The following ERI3 variants were observed in gnomAD, a reference collection of about 807,000 sequenced individuals.
The protein encoded by ERI3 is ERI1 exoribonuclease family member 3, also known as ERI1 exoribonuclease 3.
A neutral mutation model predicts 44.4 loss-of-function variants in ERI3; 18 were observed. The observed-to-expected ratio is 0.41, with a 90% CI of 0.28 to 0.60. The LOEUF (loss-of-function observed/expected upper bound fraction) is 0.60. Ranked by LOEUF, ERI3 falls within the 20% of genes least tolerant of loss-of-function variation. The pLI is 0.36. For synonymous variants in ERI3, 183 were observed against 164.8 expected, an observed-to-expected ratio of 1.11 and a Z score of -0.84; for missense variants, 294 against 435.5, an observed-to-expected ratio of 0.68 and a Z score of 2.89.
At chr1:44,295,829 T>G (rs1368376816) in intron 6 of ERI3, among the ~76,000 whole-genome samples, 2 of 152,140 alleles carry the variant, frequency 1.3e-5, no homozygotes, top group African/African-American at 4.8e-5. Flanking sequence ...CCAAACCCTG[T>G]GTGTGGGACC....
chr1:44,339,323 C>T lies in ERI3; in HGVS notation c.212-1G>A, dbSNP rs1224643085. On this transcript the variant is annotated splice_acceptor_variant, in intron 2 of 8. Transcript: ENST00000372257. LOFTEE classifies it high-confidence loss of function. ...ATTGAACATCCAGAAGCATCTAAAA[C>T]TTAGGGGAGGAAAGTTTAAAAAAAA... 1 of 733,986 alleles carries T rather than the reference C, an allele frequency of 1.4e-6. No individual in the cohort carries two copies. The highest frequency in any genetic ancestry group is 2.9e-5 in the South Asian group (1 of 34,470). 45.5% of individuals were successfully genotyped at this position (733,986 alleles called of 1,614,324 possible).
intron 3 of ERI3, among the ~76,000 whole-genome samples, chr1:44,321,489 G>A (rs1646202788): frequency 6.6e-6 from 1 of 152,106 alleles, no homozygotes; most frequent in South Asian, 2.1e-4. Flanking sequence ...ATTACATACA[G>A]AGTAAATGGG....
chr1:44,343,106 C>T (rs1439233058), intron 2 of ERI3, among the ~76,000 whole-genome samples: 1 of 150,988 alleles, frequency 6.6e-6, no homozygotes, highest in Non-Finnish European at 1.5e-5. Context: ...ACAAGATGAG[C>T]GCATAACATC....
chr1:44,252,054 G>A lies in ERI3; in HGVS notation c.832-4016C>T, dbSNP rs916048870. ...TGGCTGCATCTCTCTCAGCCATCAG[G>A]GTCCACCTGCCCAGCTATGCACAGT... On this transcript the variant is annotated intron_variant, in intron 7 of 8. Coordinates refer to ENST00000372257, the MANE Select transcript of ERI3 (RefSeq NM_024066.3). This position sits in a 1 kb window ranked among gnomAD's most constrained non-coding sequence, Gnocchi z 4.7. Among the ~76,000 whole-genome samples, 1 of 152,176 alleles carries A rather than the reference G, an allele frequency of 6.6e-6. No homozygotes were observed. Among genetic ancestry groups the A allele is most frequent in the Non-Finnish European group, 1.5e-5 (1 of 68,038 alleles).
In ERI3 at chr1:44,352,911, T is replaced by G. The variant is rs989801102; in HGVS notation, c.150A>C (p.Pro50=). The G allele has an allele frequency of 4.3e-6, 7 of 1,614,076 alleles. No homozygotes were observed. Among genetic ancestry groups the G allele is most frequent in the Non-Finnish European group, 4.2e-6 (5 of 1,180,040 alleles). Residue 50 remains proline, a synonymous_variant, in exon 2 of 9, where the codon CCA becomes CCC. Transcript: ENST00000372257. ...GGGATGCTGAAGGTTCTGTGAGAGC[T>G]GGAAAGCCCCAATGCTGTGGATAAA... ...WGQHPGHWGF[P]ALTEPSASPA...
chr1:44,318,561 C>T (rs1646137053), intron 4 of ERI3, among the ~76,000 whole-genome samples: 1 of 152,216 alleles, frequency 6.6e-6, no homozygotes, highest in Non-Finnish European at 1.5e-5. Context: ...TGGATGCCTG[C>T]AACAAAAGCC....
In ERI3 at chr1:44,284,914, A is replaced by G. The variant is rs750832159; in HGVS notation, c.759-7T>C. 1 of 1,613,682 alleles carries G rather than the reference A, an allele frequency of 6.2e-7. No homozygotes were observed. The highest frequency in any genetic ancestry group is 8.5e-7 in the Non-Finnish European group (1 of 1,179,676). ...CTGGCACTGGCCTGGGAGCCTACAAAAAAAAGGGAAGAGAGAACAAGTTGG... is the reference window on the plus strand; with the variant it reads ...CTGGCACTGGCCTGGGAGCCTACAAGAAAAAGGGAAGAGAGAACAAGTTGG... On this transcript the variant is annotated splice_region_variant and splice_polypyrimidine_tract_variant and intron_variant, in intron 6 of 8. Transcript: ENST00000372257.
chr1:44,342,848 TATATATATA>T (rs1403719089), intron 2 of ERI3, among the ~76,000 whole-genome samples: 1 of 35,352 alleles, frequency 2.8e-5, no homozygotes, highest in Non-Finnish European at 5.1e-5. Context: ...TATATATATA[TATATATATA>T]TTTTTTTTTT....
At chr1:44,226,212 TGAA>T (rs1644034388) in intron 8 of ERI3, among the ~76,000 whole-genome samples, 1 of 151,592 alleles carries the variant, frequency 6.6e-6, no homozygotes, top group African/African-American at 2.4e-5. Context: ...GGTGGGGGGA[TGAA>T]GAATCAGAAG....
chr1:44,248,033 G>A lies in ERI3; in HGVS notation c.837C>T (p.Tyr279=). The A allele has an allele frequency of 2.5e-6, 4 of 1,611,110 alleles. No homozygotes were observed. Among genetic ancestry groups the A allele is most frequent in the Non-Finnish European group, 3.4e-6 (4 of 1,178,684 alleles). The part of the protein sequence containing the change: ...FKQWINLKKA[Y]SFAMGCWPKN... Reference sequence around the variant, plus strand: ...TGGGCCAGCAGCCCATGGCGAAGCTGTAAGCCTGGAAGACAGGAGGCAAGT... The same window carrying A: ...TGGGCCAGCAGCCCATGGCGAAGCTATAAGCCTGGAAGACAGGAGGCAAGT... The change falls in exon 8 of 9, where the codon TAC becomes TAT. Residue 279 remains tyrosine, a synonymous_variant. Coordinates refer to ENST00000372257, the MANE Select transcript of ERI3 (RefSeq NM_024066.3).
intron 7 of ERI3, among the ~76,000 whole-genome samples, chr1:44,281,601 A>AAAAAAAAAT (rs1460400186): frequency 7.8e-6 from 1 of 128,056 alleles, no homozygotes; most frequent in African/African-American, 3.3e-5. Context: ...AAAAAAAAAA[A>AAAAAAAAAT]ATATATATAT....
intron 8 of ERI3, among the ~76,000 whole-genome samples, chr1:44,246,975 C>A (rs575852650): frequency 6.6e-6 from 1 of 152,184 alleles, no homozygotes; most frequent in Admixed American, 6.5e-5. Flanking sequence ...GGCTCCTCCC[C>A]ACTTGGAACA....
rs1461600566 is a variant in ERI3 at position 44,355,132 on chromosome 1, C to A, written c.-106G>T. On this transcript the variant is annotated 5_prime_UTR_variant, in exon 1 of 9. Coordinates refer to ENST00000372257, the MANE Select transcript of ERI3 (RefSeq NM_024066.3). ...GCTCAGGGCAGTTGGCGGCGGCGGGCGCGGCCCGCGCCGACTGCGGCGCCG... is the reference window on the plus strand; with the variant it reads ...GCTCAGGGCAGTTGGCGGCGGCGGGAGCGGCCCGCGCCGACTGCGGCGCCG... 8.9e-6 allele frequency: 11 copies of A among 1,229,970 alleles called. No individual in the cohort carries two copies. Among genetic ancestry groups the A allele is most frequent in the Non-Finnish European group, 1.0e-5 (10 of 981,726 alleles). 76.2% of individuals were successfully genotyped at this position (1,229,970 alleles called of 1,614,324 possible). A position where few individuals can be genotyped will look rare whatever the true frequency, so the allele number is the denominator to read the frequency against.
chr1:44,280,401 C>T (rs964660199), intron 7 of ERI3, among the ~76,000 whole-genome samples: 1 of 152,172 alleles, frequency 6.6e-6, no homozygotes, highest in Non-Finnish European at 1.5e-5. Flanking sequence ...TCAGTTCAAT[C>T]GAAGTAATTA....
Position 44,221,975 on chromosome 1 carries a change from C to T in ERI3, c.932-335G>A, listed in dbSNP as rs987809414. ...GTGTAATTTCTCCCTTGACGGCCCC[C>T]GGCCGCTGGGCGATCCTTCTTGTTG... On this transcript the variant is annotated intron_variant, in intron 8 of 8. Transcript: ENST00000372257. The surrounding 1 kb of genome is among the most constrained non-coding windows in gnomAD (Gnocchi z 5.9). Among the ~76,000 whole-genome samples the T allele has an allele frequency of 3.9e-5, 6 of 152,224 alleles. No homozygotes were observed. Among genetic ancestry groups the T allele is most frequent in the Non-Finnish European group, 7.3e-5 (5 of 68,040 alleles).
intron 5 of ERI3, 31 bp from the exon 6 acceptor site, chr1:44,308,432 T>G (rs1159477948): frequency 1.9e-6 from 3 of 1,583,984 alleles, no homozygotes; most frequent in Non-Finnish European, 2.6e-6. Flanking sequence ...AATGAGATTT[T>G]CCTTTTTTTT....
intron 3 of ERI3, among the ~76,000 whole-genome samples, chr1:44,335,248 T>C (rs1047898518): frequency 6.6e-6 from 1 of 151,566 alleles, no homozygotes; most frequent in Non-Finnish European, 1.5e-5. Flanking sequence ...TAGGCTAAGA[T>C]GGGAGGATCG....
chr1:44,327,027 A>T (rs1646330547), intron 3 of ERI3, among the ~76,000 whole-genome samples: 1 of 152,252 alleles, frequency 6.6e-6, no homozygotes, highest in South Asian at 2.1e-4. Flanking sequence ...AAACAGCCAC[A>T]GTTCAAACAT....
chr1:44,297,518 C>T (rs1386618841), intron 6 of ERI3, among the ~76,000 whole-genome samples: 1 of 152,072 alleles, frequency 6.6e-6, no homozygotes, highest in Non-Finnish European at 1.5e-5. Context: ...AATATGATGG[C>T]AGGGCATCTT....
Sources: allele counts gnomAD v4.1 joint callset (sites outside exome capture counted in the v4.1 genomes callset), GRCh38; gene constraint gnomAD v4.1.1; non-coding constraint Gnocchi (gnomAD v3.1); transcripts MANE v1.5; gene names NCBI Gene and HGNC (gene_info 2026-07-23, HGNC 2026-07-21).